The following COL8A1 variants were observed in gnomAD, a reference collection of about 807,000 sequenced individuals.
COL8A1 encodes collagen type VIII alpha 1 chain.
COL8A1 carries 21 observed loss-of-function variants against 42.7 expected under a neutral mutation model. The ratio of observed to expected loss-of-function variants is 0.49; its 90% CI spans 0.35 to 0.71. COL8A1 has a LOEUF of 0.71. COL8A1 is among the 30% of genes least tolerant of loss of function. The pLI, the probability that COL8A1 is intolerant of heterozygous loss-of-function variation, is 0.01. For missense variants in COL8A1, 788 were observed against 962.4 expected (o/e 0.82, Z 2.40); for synonymous variants, 367 against 369.1 (o/e 0.99, Z 0.06).
At chr3:99,655,320 T>C (rs944502161) in intron 1 of COL8A1, among the ~76,000 whole-genome samples, 3 of 152,194 alleles carry the variant, frequency 2.0e-5, no homozygotes, top group Admixed American at 1.3e-4. Context: ...AATAGGTGTC[T>C]TTTGAGACAT....
chr3:99,745,337 C>A (rs1941002808), intron 2 of COL8A1, among the ~76,000 whole-genome samples: 1 of 152,080 alleles, frequency 6.6e-6, no homozygotes, highest in Non-Finnish European at 1.5e-5. Flanking sequence ...CAAATGTTCA[C>A]CAGATGCTAG....
chr3:99,742,310 A>G (rs2107402911), intron 1 of COL8A1, among the ~76,000 whole-genome samples: 1 of 152,318 alleles, frequency 6.6e-6, no homozygotes, highest in African/African-American at 2.4e-5. Flanking sequence ...AACAAATCTA[A>G]CTAAATAATT....
At chr3:99,669,371 A>C (rs1280104606) in intron 1 of COL8A1, among the ~76,000 whole-genome samples, 1 of 151,890 alleles carries the variant, frequency 6.6e-6, no homozygotes, top group African/African-American at 2.4e-5. Context: ...AGATCAATGG[A>C]AAAATGAAGG....
intron 2 of COL8A1, among the ~76,000 whole-genome samples, chr3:99,763,955 T>C (rs949706534): frequency 6.6e-6 from 1 of 152,164 alleles, no homozygotes; most frequent in African/African-American, 2.4e-5. Flanking sequence ...CACCATCTAC[T>C]CCGCCAGGCT....
At chr3:99,709,592 T>G (rs747656252) in intron 1 of COL8A1, among the ~76,000 whole-genome samples, 5 of 152,174 alleles carry the variant, frequency 3.3e-5, no homozygotes, top group Non-Finnish European at 7.3e-5. Flanking sequence ...CTCCACTTTT[T>G]AAAGAAGGCA....
intron 2 of COL8A1, among the ~76,000 whole-genome samples, chr3:99,748,281 A>G (rs1201287938): frequency 1.3e-5 from 2 of 152,192 alleles, no homozygotes; most frequent in Admixed American, 6.5e-5. Flanking sequence ...ACTGTTCAAT[A>G]TGATAGCCAC....
intron 1 of COL8A1, among the ~76,000 whole-genome samples, chr3:99,671,761 G>A (rs563515331): frequency 5.3e-5 from 8 of 151,870 alleles, no homozygotes; most frequent in Non-Finnish European, 1.2e-4. Flanking sequence ...ACAGTAAGAA[G>A]GTTCTTCACA....
At chr3:99,751,559 A>G (rs978734388) in intron 2 of COL8A1, among the ~76,000 whole-genome samples, 19 of 152,232 alleles carry the variant, frequency 1.2e-4, no homozygotes, top group African/African-American at 4.6e-4. Context: ...ACTGAAAAAA[A>G]GAAAAGAAAA....
chr3:99,662,943 A>T (rs943611660), intron 1 of COL8A1, among the ~76,000 whole-genome samples: 107 of 152,194 alleles, frequency 7.0e-4, no homozygotes, highest in African/African-American at 2.5e-3. Context: ...GGTATCTCTG[A>T]TCCGGATGCA....
intron 1 of COL8A1, among the ~76,000 whole-genome samples, chr3:99,688,301 T>G (rs1443688785): frequency 1.3e-5 from 2 of 151,570 alleles, no homozygotes; most frequent in Non-Finnish European, 2.9e-5. Flanking sequence ...AAAACCAAGG[T>G]GTCAATAGGG....
intron 1 of COL8A1, among the ~76,000 whole-genome samples, chr3:99,706,355 C>G (rs1939680579): frequency 2.0e-5 from 3 of 152,102 alleles, no homozygotes. Context: ...CAGCTTTGTT[C>G]CCAGAGTGGT....
At chr3:99,722,133 A>G (rs1173460415) in intron 1 of COL8A1, among the ~76,000 whole-genome samples, 1 of 152,104 alleles carries the variant, frequency 6.6e-6, no homozygotes, top group Admixed American at 6.6e-5. Context: ...AGTTTTTGAA[A>G]TAAAGGAATT....
At chr3:99,639,818 G>A (rs1937470208) in intron 1 of COL8A1, among the ~76,000 whole-genome samples, 3 of 152,168 alleles carry the variant, frequency 2.0e-5, no homozygotes, top group Non-Finnish European at 2.9e-5. Flanking sequence ...CTTAGAGAAG[G>A]CAAACCAAAA....
chr3:99,750,304 A>G (rs1303263540), intron 2 of COL8A1, among the ~76,000 whole-genome samples: 1 of 151,676 alleles, frequency 6.6e-6, no homozygotes, highest in Admixed American at 6.6e-5. Flanking sequence ...GAATCCGCCC[A>G]CCTCAGCCTC....
chr3:99,673,174 G>C (rs1938597023), intron 1 of COL8A1, among the ~76,000 whole-genome samples: 1 of 151,240 alleles, frequency 6.6e-6, no homozygotes, highest in East Asian at 2.0e-4. Context: ...CATTTTTGTG[G>C]ATTTTTTTTT....
chr3:99,799,210 T>TA lies in COL8A1; in HGVS notation c.*3078dup, dbSNP rs1942151900. 1 of 152,262 alleles carries TA rather than the reference T, an allele frequency of 6.6e-6. No individual in the cohort carries two copies. Among genetic ancestry groups the TA allele is most frequent in the South Asian group, 2.1e-4 (1 of 4,832 alleles). 9.4% of individuals were successfully genotyped at this position (152,262 alleles called of 1,614,324 possible). On this transcript the variant is annotated 3_prime_UTR_variant, in exon 4 of 4. Coordinates refer to ENST00000652472, the MANE Select transcript of COL8A1 (RefSeq NM_020351.4). ...TTTGAAAAACATCATTAAATATCTTTAAAAGTATGTTTCTCATCTTGTTCG... is the reference window on the plus strand; with the variant it reads ...TTTGAAAAACATCATTAAATATCTTTAAAAAGTATGTTTCTCATCTTGTTCG...
chr3:99,786,138 A>G (rs1035392547), intron 2 of COL8A1, among the ~76,000 whole-genome samples: 1 of 152,032 alleles, frequency 6.6e-6, no homozygotes, highest in Non-Finnish European at 1.5e-5. Flanking sequence ...CAACCTTCAC[A>G]TCTCTATCCA....
intron 1 of COL8A1, among the ~76,000 whole-genome samples, chr3:99,732,448 C>T (rs1271175000): frequency 6.6e-6 from 1 of 152,100 alleles, no homozygotes; most frequent in East Asian, 1.9e-4. Context: ...ACACATCCTT[C>T]TTCACATGGC....
Position 99,795,947 on chromosome 3 carries a change from C to A in COL8A1, c.2046C>A (p.Asn682Lys). 4 of 1,614,094 alleles carry A rather than the reference C, an allele frequency of 2.5e-6. No individual in the cohort carries two copies. Among genetic ancestry groups the A allele is most frequent in the Non-Finnish European group, 3.4e-6 (4 of 1,179,984 alleles). The part of the protein sequence containing the change: ...GNVWVALFKN[N>K]EPVMYTYDEY... ...TGTGGGTTGCTCTATTCAAGAACAA[C>A]GAGCCCGTGATGTACACGTACGACG... The change falls in exon 4 of 4, where the codon AAC becomes AAA. Residue 682 changes from asparagine to lysine, a missense_variant. Asn to Lys is a moderately conservative substitution (Grantham distance 94). Around this residue, in one of 4 missense-constraint regions of COL8A1, gnomAD observed 212 missense variants for 210.9 expected, o/e 1.00. Coordinates refer to ENST00000652472, the MANE Select transcript of COL8A1 (RefSeq NM_020351.4).
Sources: allele counts gnomAD v4.1 joint callset (sites outside exome capture counted in the v4.1 genomes callset), GRCh38; gene constraint gnomAD v4.1.1; regional missense constraint gnomAD v4.1.1; transcripts MANE v1.5; gene names NCBI Gene and HGNC (gene_info 2026-07-23, HGNC 2026-07-21).